The following ULK4 variants were observed in gnomAD, a reference collection of about 807,000 sequenced individuals.
ULK4 encodes inactive serine/threonine-protein kinase ULK4.
A neutral mutation model predicts 160.6 loss-of-function variants in ULK4; 133 were observed. That is an observed-to-expected ratio of 0.83 (90% CI 0.72 to 0.96). The LOEUF (loss-of-function observed/expected upper bound fraction) is 0.96. ULK4 is among the 40% of genes least tolerant of loss of function. The pLI, the probability that ULK4 is intolerant of heterozygous loss-of-function variation, is 0.00. For missense variants in ULK4, 1,580 were observed against 1,499.5 expected, an observed-to-expected ratio of 1.05 and a Z score of -0.89; for synonymous variants, 534 against 539.8, an observed-to-expected ratio of 0.99 and a Z score of 0.15.
intron 27 of ULK4, among the ~76,000 whole-genome samples, chr3:41,684,265 C>G (rs2036026026): frequency 6.6e-6 from 1 of 152,236 alleles, no homozygotes; most frequent in African/African-American, 2.4e-5. Flanking sequence ...AGCCAGGCTT[C>G]TGACCTGCTT....
intron 31 of ULK4, among the ~76,000 whole-genome samples, chr3:41,612,849 G>A (rs562117244): frequency 6.6e-6 from 1 of 152,240 alleles, no homozygotes; most frequent in African/African-American, 2.4e-5. Context: ...TCTAGGAGAG[G>A]AGCACATCAT....
At chr3:41,550,508 CTCAAAAACATTACAG>C (rs2087021916) in intron 32 of ULK4, among the ~76,000 whole-genome samples, 1 of 151,814 alleles carries the variant, frequency 6.6e-6, no homozygotes, top group Non-Finnish European at 1.5e-5. Context: ...ATAAAATACA[CTCAAAAACATTACAG>C]TCAAAACACG....
At chr3:41,387,425 A>C (rs1353504596) in intron 35 of ULK4, among the ~76,000 whole-genome samples, 1 of 152,006 alleles carries the variant, frequency 6.6e-6, no homozygotes, top group Non-Finnish European at 1.5e-5. Flanking sequence ...CACAATGTGC[A>C]GGATAGTTAC....
intron 32 of ULK4, among the ~76,000 whole-genome samples, chr3:41,489,546 C>A (rs1398938197): frequency 6.6e-6 from 1 of 152,184 alleles, no homozygotes; most frequent in Non-Finnish European, 1.5e-5. Context: ...CACCATCCCC[C>A]TTCCTGGCAC....
chr3:41,314,022 G>A (rs756887777), intron 35 of ULK4, among the ~76,000 whole-genome samples: 8 of 152,132 alleles, frequency 5.3e-5, no homozygotes, highest in South Asian at 2.1e-4. Context: ...GCAAGCAAGC[G>A]TCGACTGCCA....
intron 32 of ULK4, among the ~76,000 whole-genome samples, chr3:41,508,112 G>C (rs1330084089): frequency 6.6e-6 from 1 of 152,198 alleles, no homozygotes; most frequent in African/African-American, 2.4e-5. Flanking sequence ...AGTGAGACTG[G>C]CCTTTAGGAC....
At chr3:41,451,564 A>T (rs1287707075) in intron 34 of ULK4, among the ~76,000 whole-genome samples, 1 of 152,102 alleles carries the variant, frequency 6.6e-6, no homozygotes, top group African/African-American at 2.4e-5. Flanking sequence ...ATCCAAGATC[A>T]CACAGCTGGG....
At chr3:41,564,222 C>T (rs1390017592) in intron 32 of ULK4, among the ~76,000 whole-genome samples, 2 of 152,092 alleles carry the variant, frequency 1.3e-5, no homozygotes, top group Admixed American at 6.5e-5. Flanking sequence ...TGCAGAACAG[C>T]AAATATTTTT....
At position 41,847,472 on chromosome 3, in the gene ULK4, C is replaced by T. The variant is rs535816713; in HGVS notation, c.1657-11501G>A. 1.7e-3 allele frequency among the ~76,000 whole-genome samples: 258 copies of T among 152,234 alleles called. 1 individual carries two copies. The highest frequency in any genetic ancestry group is 9.7e-3 in the South Asian group (47 of 4,828). On this transcript the variant is annotated intron_variant, in intron 17 of 36. Transcript: ENST00000301831. ...TCAGTGTTTTACTAGACCAAAGGGA[C>T]GTTTTAAAACCCTACTTAACTACTC...
intron 23 of ULK4, among the ~76,000 whole-genome samples, 160 bp from the exon 24 acceptor site, chr3:41,715,728 CT>C (rs1439878910): frequency 1.5e-4 from 23 of 152,220 alleles, no homozygotes; most frequent in African/African-American, 4.8e-4. Context: ...ACAACAGACA[CT>C]TATGGCCTCC....
intron 32 of ULK4, among the ~76,000 whole-genome samples, chr3:41,517,631 T>C (rs952377825): frequency 1.3e-5 from 2 of 152,206 alleles, no homozygotes; most frequent in Non-Finnish European, 2.9e-5. Flanking sequence ...AGAAAAATAA[T>C]TTTATTTTTA....
At chr3:41,628,285 C>T (rs2033608681) in intron 30 of ULK4, among the ~76,000 whole-genome samples, 1 of 152,012 alleles carries the variant, frequency 6.6e-6, no homozygotes, top group African/African-American at 2.4e-5. Context: ...ATGGCCCCAC[C>T]AAAATATAAA....
chr3:41,946,577 T>C (rs552794022), intron 2 of ULK4, among the ~76,000 whole-genome samples: 1 of 152,308 alleles, frequency 6.6e-6, no homozygotes, highest in South Asian at 2.1e-4. Flanking sequence ...CCTTATTCTC[T>C]TGGAATCCAG....
At chr3:41,751,923 G>A (rs1163670171) in intron 22 of ULK4, among the ~76,000 whole-genome samples, 1 of 152,130 alleles carries the variant, frequency 6.6e-6, no homozygotes, top group African/African-American at 2.4e-5. Flanking sequence ...CAAACCATGG[G>A]GCTCAAATGG....
intron 34 of ULK4, among the ~76,000 whole-genome samples, chr3:41,421,617 T>A (rs576088217): frequency 6.6e-6 from 1 of 152,230 alleles, no homozygotes; most frequent in Non-Finnish European, 1.5e-5. Context: ...CAGAATCAAA[T>A]ATTATTTGGT....
intron 33 of ULK4, among the ~76,000 whole-genome samples, chr3:41,459,394 G>C (rs1470250207): frequency 6.6e-6 from 1 of 152,072 alleles, no homozygotes. Context: ...TCTCCAGCAG[G>C]TTTTAGCACA....
intron 22 of ULK4, among the ~76,000 whole-genome samples, chr3:41,726,227 A>G (rs186378059): frequency 6.6e-6 from 1 of 152,334 alleles, no homozygotes; most frequent in East Asian, 1.9e-4. Flanking sequence ...GTTAATACAT[A>G]AGAAAATATC....
At chr3:41,915,316 T>C (rs754339310) in intron 8 of ULK4, 1 of 152,204 alleles carries the variant, frequency 6.6e-6, no homozygotes, top group South Asian at 2.1e-4. Context: ...TTCTTGTATA[T>C]GCTACACTAA....
intron 29 of ULK4, among the ~76,000 whole-genome samples, chr3:41,681,027 T>C (rs1232077614): frequency 1.3e-5 from 2 of 152,198 alleles, no homozygotes; most frequent in African/African-American, 4.8e-5. Flanking sequence ...CCTTTCTCCA[T>C]ACTCATTACC....
Sources: gnomAD v4.1 joint callset for allele counts (sites outside exome capture counted in the v4.1 genomes callset) on GRCh38, gnomAD v4.1.1 for gene constraint, MANE v1.5 for transcripts, NCBI Gene and HGNC (gene_info 2026-07-23, HGNC 2026-07-21) for gene names.